The following HOMER2 variants were observed in gnomAD, a reference collection of about 807,000 sequenced individuals.
HOMER2 encodes the protein homer scaffold protein 2.
In HOMER2, 27 loss-of-function variants were observed where a neutral mutation model predicts 47.0. The observed-to-expected ratio is 0.57, with a 90% CI of 0.42 to 0.79. HOMER2 has a LOEUF of 0.79. HOMER2 is among the 30% of genes least tolerant of loss of function. HOMER2 has a pLI of 0.00. For synonymous variants in HOMER2, 161 were observed against 163.8 expected (o/e 0.98, Z 0.13); for missense variants, 443 against 435.0 (o/e 1.02, Z -0.16).
chr15:82,849,862 A>T lies in HOMER2; in HGVS notation c.885T>A (p.Arg295=). 1 of 1,613,908 alleles carries T rather than the reference A, an allele frequency of 6.2e-7. No homozygotes were observed. Among genetic ancestry groups the T allele is most frequent in the Non-Finnish European group, 8.5e-7 (1 of 1,179,846 alleles). The change falls in exon 9 of 9, where the codon CGT becomes CGA. Residue 295 remains arginine, a synonymous_variant. Transcript: ENST00000450735. ...TCTCCTCAATGTCTGTCTTTAAGGA[A>T]CGCACTTTGTCTTCCAGGTTTTGAT... ...RDNQNLEDKV[R]SLKTDIEESK...
At chr15:82,934,937 C>A (rs1474094302) in intron 1 of HOMER2, among the ~76,000 whole-genome samples, 2 of 152,220 alleles carry the variant, frequency 1.3e-5, no homozygotes, top group East Asian at 3.9e-4. Context: ...CTGCCTCATA[C>A]TTCAGATGGA....
intron 1 of HOMER2, among the ~76,000 whole-genome samples, chr15:82,934,910 G>A (rs993504867): frequency 3.3e-5 from 5 of 152,034 alleles, no homozygotes; most frequent in African/African-American, 7.2e-5. Flanking sequence ...CCCCACTCAC[G>A]CTCTCTGCTG....
intron 1 of HOMER2, among the ~76,000 whole-genome samples, chr15:82,894,126 C>A (rs990600455): frequency 2.6e-5 from 4 of 152,178 alleles, no homozygotes; most frequent in African/African-American, 9.7e-5. Flanking sequence ...TTTTTCACTC[C>A]ACATGCCTAA....
intron 1 of HOMER2, among the ~76,000 whole-genome samples, chr15:82,959,493 C>T (rs187262593): frequency 3.3e-5 from 5 of 152,224 alleles, no homozygotes; most frequent in East Asian, 1.9e-4. Flanking sequence ...TTGAAAGGGC[C>T]GGTCTGGAGA....
At chr15:82,866,800 TTG>T (rs2051983458) in intron 3 of HOMER2, among the ~76,000 whole-genome samples, 1 of 152,234 alleles carries the variant, frequency 6.6e-6, no homozygotes, top group African/African-American at 2.4e-5. Context: ...TCCGCCATGA[TTG>T]TGAGGCCTTC....
At chr15:82,954,656 G>A (rs1210853066), upstream of HOMER2, among the ~76,000 whole-genome samples, 1 of 151,604 alleles carries the variant, frequency 6.6e-6, no homozygotes, top group South Asian at 2.1e-4. Flanking sequence ...CCTGCAACCT[G>A]GTACATACTT....
exon 2 of HOMER2, chr15:82,839,065 C>T (rs1421749173): frequency 6.6e-6 from 1 of 151,648 alleles, no homozygotes; most frequent in Non-Finnish European, 1.5e-5. Flanking sequence ...TCAGGACCAG[C>T]CTGGAAAACA....
chr15:82,967,452 G>A (rs180899782), intron 1 of HOMER2, among the ~76,000 whole-genome samples: 107 of 152,292 alleles, frequency 7.0e-4, no homozygotes, highest in African/African-American at 2.2e-3. Flanking sequence ...GTGGGTGTGG[G>A]GAAGTGGGTC....
At chr15:82,981,188 T>C (rs1284263100) in intron 1 of HOMER2, among the ~76,000 whole-genome samples, 2 of 152,244 alleles carry the variant, frequency 1.3e-5, no homozygotes, top group South Asian at 2.1e-4. Context: ...TCCTGTCCCA[T>C]TTGACAGGCT....
chr15:82,859,308 T>TC, intron 4 of HOMER2, 173 bp from the exon 5 acceptor site: 1 of 879,816 alleles, frequency 1.1e-6, no homozygotes, highest in Non-Finnish European at 1.7e-6. Context: ...GTTTTTGTTT[T>TC]TTTTTTAAAC....
rs140324727 is a variant in HOMER2, at chr15:82,858,690, A to C, written c.494+339T>G. ...GGGGTGCATTCACACACACACACAC[A>C]CCCTCTCTCCACACATGTACACTCA... On this transcript the variant is annotated intron_variant, in intron 5 of 8. Coordinates refer to ENST00000450735, the MANE Select transcript of HOMER2 (RefSeq NM_004839.4). Among the ~76,000 whole-genome samples, 1,252 of 151,822 alleles carry C rather than the reference A, an allele frequency of 8.2e-3. 11 individuals carry two copies. The highest frequency in any genetic ancestry group is 0.024 in the Middle Eastern group (7 of 294).
At chr15:82,850,344 T>G (rs2051352324) in intron 8 of HOMER2, among the ~76,000 whole-genome samples, 1 of 152,178 alleles carries the variant, frequency 6.6e-6, no homozygotes, top group Non-Finnish European at 1.5e-5. Flanking sequence ...CGTGGCCTCC[T>G]CAGCCCCAGG....
At chr15:82,882,931 A>T (rs1335678948) in intron 2 of HOMER2, among the ~76,000 whole-genome samples, 1 of 21,146 alleles carries the variant, frequency 4.7e-5, no homozygotes, top group African/African-American at 2.5e-4. Flanking sequence ...TTTAGGGTAC[A>T]TGTGCACATT....
chr15:82,876,204 A>G (rs1337906082), intron 2 of HOMER2, among the ~76,000 whole-genome samples: 1 of 152,254 alleles, frequency 6.6e-6, no homozygotes, highest in Non-Finnish European at 1.5e-5. Flanking sequence ...GCTAGAAGCC[A>G]GAGGGCTTGG....
intron 1 of HOMER2, among the ~76,000 whole-genome samples, chr15:82,921,027 G>T (rs1179059688): frequency 6.6e-6 from 1 of 152,108 alleles, no homozygotes; most frequent in Non-Finnish European, 1.5e-5. Context: ...GGGCATGGTG[G>T]CTCACACTTG....
intron 1 of HOMER2, among the ~76,000 whole-genome samples, chr15:82,923,453 C>G (rs1489779481): frequency 2.7e-5 from 4 of 148,870 alleles, no homozygotes; most frequent in Admixed American, 2.0e-4. Flanking sequence ...CGCCATTGCA[C>G]TCCAGCTTGA....
chr15:82,877,824 A>G (rs2052397391), intron 2 of HOMER2, among the ~76,000 whole-genome samples: 1 of 151,460 alleles, frequency 6.6e-6, no homozygotes, highest in South Asian at 2.1e-4. Flanking sequence ...GTCACTGGAC[A>G]CTATCAAGAG....
intron 4 of HOMER2, among the ~76,000 whole-genome samples, chr15:82,860,983 A>AGAGAGAGAGAG (rs1363103915): frequency 7.5e-5 from 5 of 66,438 alleles, no homozygotes; most frequent in African/African-American, 3.0e-4. Context: ...GAGAGAGAGA[A>AGAGAGAGAGAG]AGCGAAAGAG....
intron 1 of HOMER2, chr15:82,926,358 G>A (rs948334218): frequency 2.6e-5 from 4 of 151,164 alleles, no homozygotes; most frequent in Admixed American, 1.3e-4. Flanking sequence ...TATAAGGACC[G>A]CTTTAGTTTG....
Sources: gnomAD v4.1 joint callset for allele counts (sites outside exome capture counted in the v4.1 genomes callset) on GRCh38, gnomAD v4.1.1 for gene constraint, MANE v1.5 for transcripts, NCBI Gene and HGNC (gene_info 2026-07-23, HGNC 2026-07-21) for gene names.